The following CRPPA variants were observed in gnomAD, a reference collection of about 807,000 sequenced individuals.
CRPPA encodes CDP-L-ribitol pyrophosphorylase A, also known as D-ribitol-5-phosphate cytidylyltransferase.
A neutral mutation model predicts 52.0 loss-of-function variants in CRPPA; 43 were observed. The ratio of observed to expected loss-of-function variants is 0.83; its 90% confidence interval spans 0.65 to 1.07. The LOEUF (loss-of-function observed/expected upper bound fraction) is 1.07, where lower values mean the gene tolerates loss of function less well. Among genes scored for constraint, CRPPA ranks in the 50% least tolerant of loss-of-function variants. CRPPA has a pLI of 0.00. For synonymous variants in CRPPA, 250 were observed against 203.5 expected, an observed-to-expected ratio of 1.23 and a Z score of -1.94; for missense variants, 629 against 551.7, an observed-to-expected ratio of 1.14 and a Z score of -1.40.
At chr7:16,222,249 T>A (rs1782530360) in intron 8 of CRPPA, among the ~76,000 whole-genome samples, 1 of 137,456 alleles carries the variant, frequency 7.3e-6, no homozygotes, top group Admixed American at 8.2e-5. Context: ...AACAATGAGA[T>A]CACATGGACA....
intron 6 of CRPPA, among the ~76,000 whole-genome samples, chr7:16,263,227 G>A (rs916596426): frequency 2.0e-5 from 3 of 152,008 alleles, no homozygotes; most frequent in African/African-American, 7.2e-5. Flanking sequence ...TGACATTAAA[G>A]CCCTTCATAG....
chr7:16,112,447 A>G (rs569989150), intron 9 of CRPPA, among the ~76,000 whole-genome samples: 4 of 152,346 alleles, frequency 2.6e-5, no homozygotes, highest in African/African-American at 7.2e-5. Flanking sequence ...ATAAAAGAAC[A>G]GCAAAAAAGA....
intron 9 of CRPPA, among the ~76,000 whole-genome samples, chr7:16,127,578 G>A (rs1216126592): frequency 6.6e-6 from 1 of 151,892 alleles, no homozygotes. Context: ...AAATTTGGTA[G>A]CTTTGAAAAC....
At chr7:16,409,894 T>C (rs535274713) in intron 1 of CRPPA, among the ~76,000 whole-genome samples, 1 of 152,222 alleles carries the variant, frequency 6.6e-6, no homozygotes, top group Non-Finnish European at 1.5e-5. Context: ...GTTTTGTCCA[T>C]TGCCTTACAC....
chr7:16,127,339 G>A (rs1782600140), intron 9 of CRPPA, among the ~76,000 whole-genome samples: 1 of 151,938 alleles, frequency 6.6e-6, no homozygotes, highest in Non-Finnish European at 1.5e-5. Context: ...TACTTGAGTT[G>A]TAGGCTAATG....
chr7:16,142,079 A>G (rs1583385776), intron 9 of CRPPA, among the ~76,000 whole-genome samples: 3 of 152,320 alleles, frequency 2.0e-5, no homozygotes, highest in African/African-American at 7.2e-5. Flanking sequence ...TGGCATAGCT[A>G]GCTCCACAAG....
intron 2 of CRPPA, among the ~76,000 whole-genome samples, chr7:16,379,679 G>C (rs1358646977): frequency 6.6e-6 from 1 of 152,134 alleles, no homozygotes; most frequent in African/African-American, 2.4e-5. Flanking sequence ...GCAGTGGTTT[G>C]TAGTTCTCCT....
chr7:16,182,644 C>T, intron 9 of CRPPA, among the ~76,000 whole-genome samples: 1 of 152,116 alleles, frequency 6.6e-6, no homozygotes. Flanking sequence ...GAAACTGGAG[C>T]CCAAATAACT....
At position 16,088,463 on chromosome 7, in the gene CRPPA, G is replaced by C. The variant is rs1446858790; in HGVS notation, c.*3232C>G. The C allele has an allele frequency of 7.2e-6, 1 of 139,780 alleles. No homozygotes were observed. The highest frequency in any genetic ancestry group is 1.5e-5 in the Non-Finnish European group (1 of 65,992). The allele number at this position is 139,780 out of a possible 1,614,324, so 8.7% of individuals were successfully genotyped here. A position where few individuals can be genotyped will look rare whatever the true frequency, so the allele number is the denominator to read the frequency against. ...GACGGAGTCTTGCTCTGTTGCCCAG[G>C]CTGGAGTGCAGTGGCGCTATGTCGG... On this transcript the variant is annotated 3_prime_UTR_variant, in exon 10 of 10. Coordinates refer to ENST00000407010, the MANE Select transcript of CRPPA (RefSeq NM_001101426.4).
intron 4 of CRPPA, among the ~76,000 whole-genome samples, chr7:16,306,062 C>G (rs1784904045): frequency 6.6e-6 from 1 of 152,172 alleles, no homozygotes; most frequent in Admixed American, 6.5e-5. Flanking sequence ...ACTCCAATAT[C>G]CACCTCCATC....
At chr7:16,273,708 T>G (rs965334138) in intron 6 of CRPPA, among the ~76,000 whole-genome samples, 6 of 152,098 alleles carry the variant, frequency 3.9e-5, no homozygotes, top group Non-Finnish European at 5.9e-5. Flanking sequence ...CATCCTACCC[T>G]CCACTGAGCT....
intron 1 of CRPPA, among the ~76,000 whole-genome samples, chr7:16,419,544 G>C (rs1182733629): frequency 6.6e-6 from 1 of 152,112 alleles, no homozygotes; most frequent in Non-Finnish European, 1.5e-5. Context: ...TGCATCCTCT[G>C]GCTGCAAGAG....
intron 3 of CRPPA, among the ~76,000 whole-genome samples, chr7:16,345,565 T>C (rs952419758): frequency 2.6e-5 from 4 of 152,166 alleles, no homozygotes; most frequent in African/African-American, 7.2e-5. Flanking sequence ...AAATATGCAA[T>C]ATATGTGACA....
chr7:16,288,389 A>T (rs1784492218), intron 5 of CRPPA, among the ~76,000 whole-genome samples: 1 of 152,132 alleles, frequency 6.6e-6, no homozygotes. Context: ...ATTCTAAAAA[A>T]AAAATAAAAC....
At chr7:16,175,831 C>T (rs1781285121) in intron 9 of CRPPA, among the ~76,000 whole-genome samples, 2 of 151,942 alleles carry the variant, frequency 1.3e-5, no homozygotes, top group South Asian at 4.2e-4. Flanking sequence ...AATGCAGAGG[C>T]CCAAAGATTT....
At chr7:16,104,125 G>A (rs1401912511) in intron 9 of CRPPA, among the ~76,000 whole-genome samples, 6 of 152,126 alleles carry the variant, frequency 3.9e-5, no homozygotes, top group Non-Finnish European at 8.8e-5. Context: ...TAATCTCAAA[G>A]TTTCACAGTT....
chr7:16,247,393 A>G (rs980329354), intron 8 of CRPPA, among the ~76,000 whole-genome samples: 1 of 152,138 alleles, frequency 6.6e-6, no homozygotes, highest in African/African-American at 2.4e-5. Context: ...GTTTCAGGGA[A>G]TAGGGAATCT....
chr7:16,116,036 G>A (rs1782364422), intron 9 of CRPPA, among the ~76,000 whole-genome samples: 1 of 152,140 alleles, frequency 6.6e-6, no homozygotes, highest in South Asian at 2.1e-4. Context: ...ATTGATGCAT[G>A]ATAAAATTAT....
At chr7:16,396,006 C>A (rs1349859839) in intron 2 of CRPPA, among the ~76,000 whole-genome samples, 1 of 152,180 alleles carries the variant, frequency 6.6e-6, no homozygotes, top group Non-Finnish European at 1.5e-5. Context: ...TTGGTCCAGG[C>A]AATTTACCCT....
Sources: gnomAD v4.1 joint callset for allele counts (sites outside exome capture counted in the v4.1 genomes callset) on GRCh38, gnomAD v4.1.1 for gene constraint, MANE v1.5 for transcripts, NCBI Gene and HGNC (gene_info 2026-07-23, HGNC 2026-07-21) for gene names.